Variants in GPM6A observed in about 807,000 individuals in gnomAD.
The protein encoded by GPM6A is neuronal membrane glycoprotein M6-a.
Under a neutral mutation model 32.1 loss-of-function variants are expected in GPM6A, and 7 were observed. The observed-to-expected ratio is 0.22, with a 90% CI of 0.12 to 0.41. GPM6A has a LOEUF of 0.41. Ranked by LOEUF, GPM6A falls within the 10% of genes least tolerant of loss-of-function variation. The pLI is 1.00. For synonymous variants in GPM6A, 130 were observed against 123.4 expected (o/e 1.05, Z -0.35); for missense variants, 235 against 347.2 (o/e 0.68, Z 2.57).
chr4:175,919,103 T>A (rs540131120), intron 1 of GPM6A, among the ~76,000 whole-genome samples: 96 of 152,304 alleles, frequency 6.3e-4, no homozygotes, highest in African/African-American at 2.2e-3. Context: ...GCACACTTAA[T>A]TTAACTGTAT....
chr4:175,867,956 C>T (rs1579580656), intron 1 of GPM6A, among the ~76,000 whole-genome samples: 1 of 152,202 alleles, frequency 6.6e-6, no homozygotes, highest in Admixed American at 6.5e-5. Flanking sequence ...TCATTTTCCC[C>T]TCTCCCTGCC....
At chr4:176,000,693 TTTC>T (rs1741449670) in intron 1 of GPM6A, among the ~76,000 whole-genome samples, 1 of 152,142 alleles carries the variant, frequency 6.6e-6, no homozygotes. Flanking sequence ...TCTGACAGCT[TTTC>T]TCCTGTGTGA....
At chr4:175,781,577 T>G (rs1733617459) in intron 1 of GPM6A, among the ~76,000 whole-genome samples, 2 of 152,224 alleles carry the variant, frequency 1.3e-5, no homozygotes, top group African/African-American at 4.8e-5. Flanking sequence ...CTATGGGCAT[T>G]CACTTCATTC....
At chr4:175,881,640 T>C (rs1178961082) in intron 1 of GPM6A, among the ~76,000 whole-genome samples, 2 of 152,172 alleles carry the variant, frequency 1.3e-5, no homozygotes, top group Non-Finnish European at 1.5e-5. Context: ...GTGGCACATA[T>C]ACACCATGGA....
At chr4:175,986,399 CA>C (rs1211920187) in intron 1 of GPM6A, among the ~76,000 whole-genome samples, 1 of 151,624 alleles carries the variant, frequency 6.6e-6, no homozygotes, top group African/African-American at 2.4e-5. Context: ...AAGTTGGGTG[CA>C]GTGGCTGTGG....
chr4:175,721,478 GA>G (rs753343591), intron 1 of GPM6A, among the ~76,000 whole-genome samples: 1,968 of 137,992 alleles, frequency 0.014, 78 homozygotes, highest in Admixed American at 0.093. Context: ...TCCGTCTCAA[GA>G]AAAAAAAAAA....
At chr4:175,872,424 C>A (rs535847133) in intron 1 of GPM6A, among the ~76,000 whole-genome samples, 1 of 152,166 alleles carries the variant, frequency 6.6e-6, no homozygotes, top group Non-Finnish European at 1.5e-5. Flanking sequence ...TGGCTTCAAC[C>A]CAGGACACAC....
intron 1 of GPM6A, among the ~76,000 whole-genome samples, chr4:175,724,699 A>G (rs1045009001): frequency 1.3e-5 from 2 of 152,098 alleles, no homozygotes; most frequent in Non-Finnish European, 2.9e-5. Context: ...TGGCAATAAA[A>G]CTGAGATAGC....
At chr4:175,908,463 C>T (rs934540098) in intron 1 of GPM6A, among the ~76,000 whole-genome samples, 2 of 152,046 alleles carry the variant, frequency 1.3e-5, no homozygotes, top group East Asian at 3.8e-4. Context: ...ATTCCCCTGG[C>T]TTTAATTTGA....
chr4:175,726,095 C>A (rs1746393388), intron 1 of GPM6A, among the ~76,000 whole-genome samples: 1 of 149,720 alleles, frequency 6.7e-6, no homozygotes, highest in Non-Finnish European at 1.5e-5. Context: ...CAGGTTCATG[C>A]CATTCTCCTG....
At chr4:175,849,447 A>C (rs954131933) in intron 1 of GPM6A, among the ~76,000 whole-genome samples, 3 of 152,140 alleles carry the variant, frequency 2.0e-5, no homozygotes, top group Non-Finnish European at 4.4e-5. Context: ...TTGAATAGCA[A>C]TGGAGGATCA....
chr4:175,943,946 G>T (rs766672225), intron 1 of GPM6A, among the ~76,000 whole-genome samples: 5 of 152,152 alleles, frequency 3.3e-5, no homozygotes, highest in Non-Finnish European at 7.4e-5. Context: ...AACAGTTTTA[G>T]AAAGAATGGT....
chr4:175,700,201 T>A (rs1476241401), intron 2 of GPM6A, among the ~76,000 whole-genome samples: 2 of 152,082 alleles, frequency 1.3e-5, no homozygotes, highest in Non-Finnish European at 2.9e-5. Context: ...GGGAAATTAG[T>A]AACTTTAATA....
intron 1 of GPM6A, among the ~76,000 whole-genome samples, chr4:175,865,382 T>C (rs1345526687): frequency 1.3e-5 from 2 of 152,192 alleles, no homozygotes; most frequent in African/African-American, 4.8e-5. Context: ...ATTATGCTCT[T>C]CTTTTTCACA....
chr4:175,691,144 C>T (rs1020499260), intron 2 of GPM6A, among the ~76,000 whole-genome samples: 1 of 151,434 alleles, frequency 6.6e-6, no homozygotes, highest in Non-Finnish European at 1.5e-5. Flanking sequence ...TAAACTCTTA[C>T]TTATCTACGT....
intron 1 of GPM6A, among the ~76,000 whole-genome samples, chr4:175,841,252 T>C: frequency 6.6e-6 from 1 of 152,132 alleles, no homozygotes; most frequent in South Asian, 2.1e-4. Context: ...TTAACAGTAA[T>C]TTGAGAGTAA....
At chr4:175,766,466 A>G (rs1054032992) in intron 1 of GPM6A, among the ~76,000 whole-genome samples, 3 of 152,168 alleles carry the variant, frequency 2.0e-5, no homozygotes, top group Non-Finnish European at 4.4e-5. Context: ...ATTTCAATTT[A>G]CACTAGTCAG....
At chr4:175,637,229 AATATATATTATATATT>A (rs1475212874) in intron 6 of GPM6A, among the ~76,000 whole-genome samples, 1 of 81,820 alleles carries the variant, frequency 1.2e-5, no homozygotes, top group Admixed American at 2.1e-4. Flanking sequence ...TATAATATAA[AATATATATTATATATT>A]ATATATAATA....
intron 1 of GPM6A, among the ~76,000 whole-genome samples, chr4:175,939,274 A>G (rs1739334549): frequency 6.6e-6 from 1 of 152,232 alleles, no homozygotes; most frequent in Admixed American, 6.5e-5. Context: ...CTGAGGGGGT[A>G]AAACAATAGG....
Sources: gnomAD v4.1 joint callset for allele counts (sites outside exome capture counted in the v4.1 genomes callset) on GRCh38, gnomAD v4.1.1 for gene constraint, MANE v1.5 for transcripts, NCBI Gene and HGNC (gene_info 2026-07-23, HGNC 2026-07-21) for gene names.